Variants in TBL1XR1 observed in about 807,000 individuals in gnomAD.
The protein encoded by TBL1XR1 is TBL1X/Y related 1, also known as F-box-like/WD repeat-containing protein TBL1XR1.
Under a neutral mutation model 66.9 loss-of-function variants are expected in TBL1XR1, and 5 were observed. That is an observed-to-expected ratio of 0.07 (90% CI 0.04 to 0.16). The LOEUF is 0.16. Ranked by LOEUF, TBL1XR1 falls within the 10% of genes least tolerant of loss-of-function variation. TBL1XR1 has a pLI of 1.00. For missense variants in TBL1XR1, 238 were observed against 623.2 expected (o/e 0.38, Z 6.58); for synonymous variants, 210 against 206.0 (o/e 1.02, Z -0.17).
chr3:177,146,589 C>CAAAAAAAAAAAAAAAAAAAAAAAA lies in TBL1XR1; in HGVS notation c.-121-48049_-121-48048insTTTTTTTTTTTTTTTTTTTTTTTT, dbSNP rs78065426. ...TGGGCAGCTGAGCGAGACTCCATCTCAAAAAAAAAAAAAAAAAAGTTGTAT... is the reference window on the plus strand; with the variant it reads ...TGGGCAGCTGAGCGAGACTCCATCTCAAAAAAAAAAAAAAAAAAAAAAAAAAAAAAAAAAAAAAAAAAGTTGTAT... On this transcript the variant is annotated intron_variant, in intron 1 of 15. Coordinates refer to ENST00000457928, the MANE Select transcript of TBL1XR1 (RefSeq NM_024665.7). Among the ~76,000 whole-genome samples, 106 of 51,934 alleles carry CAAAAAAAAAAAAAAAAAAAAAAAA rather than the reference C, an allele frequency of 2.0e-3. 11 individuals carry two copies. Among genetic ancestry groups the CAAAAAAAAAAAAAAAAAAAAAAAA allele is most frequent in the African/African-American group, 2.0e-3 (27 of 13,736 alleles). The allele number at this position is 51,934 out of a possible 152,430, so 34.1% of individuals were successfully genotyped here.
chr3:177,034,135 A>AT, intron 13 of TBL1XR1, 63 bp downstream of exon 13: 5 of 1,509,540 alleles, frequency 3.3e-6, no homozygotes, highest in Non-Finnish European at 4.4e-6. Flanking sequence ...AACTTCTGTC[A>AT]TATCTATTGG....
intron 12 of TBL1XR1, chr3:177,037,509 C>CG (rs76785231): frequency 0.25 from 37,241 of 151,530 alleles, 4,868 homozygotes; most frequent in East Asian, 0.47. Context: ...CAATGGGCGG[C>CG]GGGGGGGGCA....
chr3:177,116,743 G>C (rs541100299), intron 1 of TBL1XR1, among the ~76,000 whole-genome samples: 2 of 152,232 alleles, frequency 1.3e-5, no homozygotes, highest in Non-Finnish European at 2.9e-5. Flanking sequence ...GATTGTAATG[G>C]TATCTTCTCT....
intron 1 of TBL1XR1, among the ~76,000 whole-genome samples, chr3:177,099,802 T>C (rs1723964941): frequency 1.3e-5 from 2 of 152,264 alleles, no homozygotes; most frequent in South Asian, 4.1e-4. Flanking sequence ...TATAAAGTTT[T>C]TGTCACTTTT....
intron 1 of TBL1XR1, among the ~76,000 whole-genome samples, chr3:177,118,126 A>C (rs1439475463): frequency 6.6e-6 from 1 of 152,218 alleles, no homozygotes; most frequent in African/African-American, 2.4e-5. Context: ...ATTAGTAGAA[A>C]GCTCAAGCAA....
intron 1 of TBL1XR1, among the ~76,000 whole-genome samples, chr3:177,171,013 A>G (rs1213582757): frequency 6.6e-6 from 1 of 152,144 alleles, no homozygotes; most frequent in African/African-American, 2.4e-5. Flanking sequence ...CCTTAAGAAA[A>G]AACTATTATA....
chr3:177,078,082 ACCT>A (rs1720910355), intron 2 of TBL1XR1, among the ~76,000 whole-genome samples: 1 of 152,202 alleles, frequency 6.6e-6, no homozygotes, highest in South Asian at 2.1e-4. Flanking sequence ...TTATGATGTC[ACCT>A]TTTAATATGC....
At chr3:177,034,828 T>C (rs1337082099) in intron 12 of TBL1XR1, among the ~76,000 whole-genome samples, 3 of 151,392 alleles carry the variant, frequency 2.0e-5, no homozygotes, top group African/African-American at 7.3e-5. Context: ...AAAAAAGTAG[T>C]CAAAGTAGAG....
chr3:177,155,549 G>A (rs1303232579), intron 1 of TBL1XR1, among the ~76,000 whole-genome samples: 2 of 152,158 alleles, frequency 1.3e-5, no homozygotes, highest in African/African-American at 2.4e-5. Flanking sequence ...AATAGTCATT[G>A]TCTATAAATA....
At chr3:177,134,957 G>GTGTGTGTGTT (rs1326357302) in intron 1 of TBL1XR1, among the ~76,000 whole-genome samples, 1 of 139,296 alleles carries the variant, frequency 7.2e-6, no homozygotes, top group Non-Finnish European at 1.6e-5. Context: ...GTGTGTGTGT[G>GTGTGTGTGTT]TGTGTGTGTC....
At chr3:177,044,036 G>C (rs751431112) in intron 10 of TBL1XR1, among the ~76,000 whole-genome samples, 1 of 152,030 alleles carries the variant, frequency 6.6e-6, no homozygotes, top group Non-Finnish European at 1.5e-5. Context: ...CTGATGCTCT[G>C]TCACCACACC....
chr3:177,134,969 G>GTGTGTGTGTGTGTGTGTGTGTC (rs146706429), intron 1 of TBL1XR1, among the ~76,000 whole-genome samples: 1,949 of 95,410 alleles, frequency 0.02, 20 homozygotes, highest in Middle Eastern at 0.036. Flanking sequence ...GTGTGTGTCT[G>GTGTGTGTGTGTGTGTGTGTGTC]TGTGTGTGTC....
chr3:177,057,499 T>C (rs1053779365), intron 3 of TBL1XR1, among the ~76,000 whole-genome samples: 2 of 152,234 alleles, frequency 1.3e-5, no homozygotes, highest in African/African-American at 4.8e-5. Context: ...TATACTATAA[T>C]GTATTTTGGC....
chr3:177,143,220 TA>T (rs1262134887), intron 1 of TBL1XR1, among the ~76,000 whole-genome samples: 1 of 152,062 alleles, frequency 6.6e-6, no homozygotes, highest in Non-Finnish European at 1.5e-5. Flanking sequence ...AACACACAGT[TA>T]CTATTGATCA....
intron 1 of TBL1XR1, among the ~76,000 whole-genome samples, chr3:177,112,366 C>A (rs1725758515): frequency 6.6e-6 from 1 of 151,540 alleles, no homozygotes; most frequent in African/African-American, 2.4e-5. Context: ...CCTCAGCCTC[C>A]AAAAGTGCTG....
chr3:177,172,643 GAGAGAA>G (rs1366308362), intron 1 of TBL1XR1, among the ~76,000 whole-genome samples: 42 of 124,608 alleles, frequency 3.4e-4, no homozygotes, highest in African/African-American at 1.1e-3. Context: ...AAGAGAGAGA[GAGAGAA>G]AGAGAGAGAG....
intron 2 of TBL1XR1, among the ~76,000 whole-genome samples, chr3:177,087,202 G>GT (rs1560159738): frequency 2.1e-5 from 3 of 143,108 alleles, no homozygotes; most frequent in Non-Finnish European, 1.5e-5. Flanking sequence ...CCATTTTGGG[G>GT]TTGATTTTTA....
At chr3:177,068,610 G>A (rs924481767) in intron 2 of TBL1XR1, among the ~76,000 whole-genome samples, 2 of 152,060 alleles carry the variant, frequency 1.3e-5, no homozygotes, top group Admixed American at 6.6e-5. Flanking sequence ...GCATATACTC[G>A]CTGGACAACT....
chr3:177,063,807 TCCTTCTGGA>T (rs1286612244), intron 3 of TBL1XR1, among the ~76,000 whole-genome samples: 1 of 152,210 alleles, frequency 6.6e-6, no homozygotes, highest in Non-Finnish European at 1.5e-5. Context: ...TCCCTCCCTG[TCCTTCTGGA>T]CATCACTTTC....
Sources: allele counts gnomAD v4.1 joint callset (sites outside exome capture counted in the v4.1 genomes callset), GRCh38; gene constraint gnomAD v4.1.1; transcripts MANE v1.5; gene names NCBI Gene and HGNC (gene_info 2026-07-23, HGNC 2026-07-21).